The following ERO1B variants were observed in gnomAD, a reference collection of about 807,000 sequenced individuals.
The protein encoded by ERO1B is ERO1-like protein beta.
Under a neutral mutation model 75.3 loss-of-function variants are expected in ERO1B, and 49 were observed. The ratio of observed to expected loss-of-function variants is 0.65; its 90% CI spans 0.52 to 0.83. The LOEUF is 0.83. Ranked by LOEUF, ERO1B falls within the 40% of genes least tolerant of loss-of-function variation. The pLI, the probability that ERO1B is intolerant of heterozygous loss-of-function variation, is 0.00. For missense variants in ERO1B, 512 were observed against 560.1 expected (o/e 0.91, Z 0.87); for synonymous variants, 191 against 192.9 (o/e 0.99, Z 0.08).
At chr1:236,270,571 T>G (rs141791930) in intron 1 of ERO1B, among the ~76,000 whole-genome samples, 134 of 152,302 alleles carry the variant, frequency 8.8e-4, no homozygotes, top group African/African-American at 2.9e-3. Flanking sequence ...ATCAATGATC[T>G]TATCCACTAT....
chr1:236,276,976 T>A (rs1045143985), intron 1 of ERO1B, among the ~76,000 whole-genome samples: 20 of 152,184 alleles, frequency 1.3e-4, no homozygotes, highest in African/African-American at 4.6e-4. Flanking sequence ...TCTGGTTGTT[T>A]AAAAGTGTGC....
In ERO1B at chr1:236,218,522, A is replaced by G; in HGVS notation, c.1398T>C (p.Ser466=). ...LQNFKVLLQH[S]R is the part of the protein sequence containing the mutation. ...AGACACATAAAAGCCTTTATTACCT[A>G]CTGTGTTGTAATAAGACTTTAAAAT... Residue 466 remains serine (S), a synonymous_variant, in exon 16 of 16, where the codon AGT becomes AGC. Coordinates refer to ENST00000354619, the MANE Select transcript of ERO1B (RefSeq NM_019891.4). The G allele has an allele frequency of 7.0e-7, 1 of 1,436,558 alleles. No homozygotes were observed. Among genetic ancestry groups the G allele is most frequent in the Non-Finnish European group, 9.2e-7 (1 of 1,088,500 alleles). 89.0% of individuals were successfully genotyped at this position (1,436,558 alleles called of 1,614,324 possible).
intron 5 of ERO1B, among the ~76,000 whole-genome samples, chr1:236,245,414 GTA>G (rs1385560282): frequency 2.3e-5 from 1 of 44,306 alleles, no homozygotes; most frequent in African/African-American, 7.0e-5. Context: ...ATATACACAC[GTA>G]TATATATACG....
chr1:236,252,591 G>A (rs1665057549), intron 3 of ERO1B, among the ~76,000 whole-genome samples: 1 of 152,192 alleles, frequency 6.6e-6, no homozygotes, highest in Non-Finnish European at 1.5e-5. Flanking sequence ...TTACCAATGG[G>A]AGAAGTGCAT....
At chr1:236,261,148 G>C (rs1409321280) in intron 2 of ERO1B, among the ~76,000 whole-genome samples, 2 of 152,022 alleles carry the variant, frequency 1.3e-5, no homozygotes, top group Non-Finnish European at 2.9e-5. Flanking sequence ...AATAAGGTAT[G>C]GAAAAAATGT....
At chr1:236,232,893 TC>T in intron 8 of ERO1B, 54 bp from the exon 9 acceptor site, 7 of 1,437,500 alleles carry the variant, frequency 4.9e-6, no homozygotes, top group Non-Finnish European at 6.6e-6. Flanking sequence ...ATAGCTCAGA[TC>T]CCAATACTAT....
intron 1 of ERO1B, among the ~76,000 whole-genome samples, chr1:236,272,214 A>T (rs1244062467): frequency 6.6e-6 from 1 of 152,172 alleles, no homozygotes; most frequent in Non-Finnish European, 1.5e-5. Context: ...GCATCTATCT[A>T]CCCAAAGGAA....
At chr1:236,275,614 T>G (rs540215426) in intron 1 of ERO1B, among the ~76,000 whole-genome samples, 1 of 152,266 alleles carries the variant, frequency 6.6e-6, no homozygotes, top group East Asian at 1.9e-4. Flanking sequence ...TTCCTGCAGA[T>G]TGGTGGGGCC....
In ERO1B at chr1:236,222,019, C is replaced by G; in HGVS notation, c.1123-9G>C. ...TGTAATCGGAATTCCTCCTAGCAAG[C>G]AGAAAATATTTTCAGTCTAATTAGA... On this transcript the variant is annotated splice_polypyrimidine_tract_variant and intron_variant, in intron 13 of 15. Coordinates refer to ENST00000354619, the MANE Select transcript of ERO1B (RefSeq NM_019891.4). 1 of 1,607,450 alleles carries G rather than the reference C, an allele frequency of 6.2e-7. No homozygotes were observed. The highest frequency in any genetic ancestry group is 2.2e-5 in the East Asian group (1 of 44,784).
intron 12 of ERO1B, among the ~76,000 whole-genome samples, chr1:236,225,828 A>G (rs568699688): frequency 1.2e-4 from 19 of 152,220 alleles, no homozygotes; most frequent in African/African-American, 4.6e-4. Flanking sequence ...TCAGTTACTT[A>G]GAAGGCTGAG....
At chr1:236,264,084 T>C (rs1026588639) in intron 2 of ERO1B, among the ~76,000 whole-genome samples, 3 of 152,158 alleles carry the variant, frequency 2.0e-5, no homozygotes, top group Non-Finnish European at 2.9e-5. Flanking sequence ...ATTTTTTACA[T>C]ATAACTTTTT....
intron 2 of ERO1B, among the ~76,000 whole-genome samples, chr1:236,268,254 A>G (rs1347255670): frequency 6.6e-6 from 1 of 152,216 alleles, no homozygotes; most frequent in African/African-American, 2.4e-5. Flanking sequence ...AGCCTAGCCA[A>G]CATGGTGAAA....
chr1:236,266,136 T>C (rs1665429723), intron 2 of ERO1B, among the ~76,000 whole-genome samples: 1 of 152,186 alleles, frequency 6.6e-6, no homozygotes, highest in Non-Finnish European at 1.5e-5. Flanking sequence ...ACTGTATCCA[T>C]AGTACCTGAC....
At chr1:236,233,366 C>T (rs1226744281) in intron 8 of ERO1B, among the ~76,000 whole-genome samples, 2 of 149,400 alleles carry the variant, frequency 1.3e-5, no homozygotes, top group Non-Finnish European at 3.0e-5. Flanking sequence ...AATCCCAGCA[C>T]TTTGGGAGGA....
intron 10 of ERO1B, among the ~76,000 whole-genome samples, chr1:236,228,626 C>T (rs1352955088): frequency 6.6e-6 from 1 of 152,198 alleles, no homozygotes; most frequent in African/African-American, 2.4e-5. Flanking sequence ...GCATTTTCAG[C>T]ACTTGAACTT....
intron 6 of ERO1B, among the ~76,000 whole-genome samples, chr1:236,239,861 A>ATATATATATATG (rs1558510896): frequency 7.4e-4 from 20 of 27,156 alleles, no homozygotes; most frequent in South Asian, 1.4e-3. Flanking sequence ...GTATATATGT[A>ATATATATATATG]TATATATATG....
chr1:236,272,327 G>A (rs1041989491), intron 1 of ERO1B, among the ~76,000 whole-genome samples: 2 of 152,020 alleles, frequency 1.3e-5, no homozygotes, highest in Non-Finnish European at 2.9e-5. Flanking sequence ...CATCAACGGT[G>A]GATGGAATAA....
chr1:236,231,552 T>G (rs12562407), intron 9 of ERO1B, among the ~76,000 whole-genome samples: 10,088 of 149,836 alleles, frequency 0.067, 721 homozygotes, highest in East Asian at 0.39. Flanking sequence ...TCTTCTGAGT[T>G]GGGGAAAGAG....
intron 9 of ERO1B, among the ~76,000 whole-genome samples, chr1:236,231,457 C>A (rs566443945): frequency 3.4e-4 from 51 of 148,760 alleles, no homozygotes; most frequent in African/African-American, 1.2e-3. Flanking sequence ...CTCAATATAC[C>A]CATTCCACAA....
Sources: allele counts gnomAD v4.1 joint callset (sites outside exome capture counted in the v4.1 genomes callset), GRCh38; gene constraint gnomAD v4.1.1; transcripts MANE v1.5; gene names NCBI Gene and HGNC (gene_info 2026-07-23, HGNC 2026-07-21).